PRKAA1: variants seen among roughly 807,000 people sequenced by gnomAD.
PRKAA1 encodes the protein protein kinase AMP-activated catalytic subunit alpha 1.
In PRKAA1, 23 loss-of-function variants were observed where a neutral mutation model predicts 56.9. The ratio of observed to expected loss-of-function variants is 0.40; its 90% confidence interval spans 0.29 to 0.57. PRKAA1 has a LOEUF of 0.57. Ranked by LOEUF, PRKAA1 falls within the 20% of genes least tolerant of loss-of-function variation. The pLI is 0.39. For missense variants in PRKAA1, 413 were observed against 679.7 expected, an observed-to-expected ratio of 0.61 and a Z score of 4.36; for synonymous variants, 226 against 227.0, an observed-to-expected ratio of 1.00 and a Z score of 0.04.
chr5:40,762,990 T>C lies in PRKAA1; in HGVS notation c.1468A>G (p.Thr490Ala), dbSNP rs749439577. The change falls in exon 9 of 9, where the codon ACT (threonine) becomes GCT (alanine). Residue 490 changes from threonine to alanine, a missense_variant. By Grantham distance (58) the Thr-to-Ala change is moderately conservative (BLOSUM62 0). This residue lies in a region of PRKAA1 where 139 missense variants were observed against 171.5 expected (regional missense o/e 0.81). Coordinates refer to ENST00000397128, the MANE Select transcript of PRKAA1 (RefSeq NM_006251.6). ...EITEAKSGTATPQRSGSVSNY... is the reference protein window; with the variant it reads ...EITEAKSGTAAPQRSGSVSNY... ...CTAACTGATCCCGATCTCTGTGGAG[T>C]AGCAGTCCCTGATTTGGCTTCTGTA... 42 of 1,613,948 alleles carry C rather than the reference T, an allele frequency of 2.6e-5. No individual in the cohort carries two copies. The Admixed American group carries it at 5.5e-4, about 21-fold the overall frequency.
At chr5:40,776,991 G>GA (rs1383284039) in intron 2 of PRKAA1, 3 of 154,304 alleles carry the variant, frequency 1.9e-5, no homozygotes, top group Non-Finnish European at 4.3e-5. Flanking sequence ...AATGGGGTTA[G>GA]AAAAATACAT....
intron 5 of PRKAA1, chr5:40,768,439 A>G (rs1025895794): frequency 2.2e-6 from 2 of 928,312 alleles, no homozygotes; most frequent in African/African-American, 1.8e-5. Context: ...CACAGTCTCC[A>G]TGTCCTGAAT....
Position 40,778,003 on chromosome 5 carries a change from G to A in PRKAA1, c.128-417C>T, listed in dbSNP as rs748129750. On this transcript the variant is annotated intron_variant, in intron 1 of 8. Transcript: ENST00000397128. Reference sequence around the variant, plus strand: ...GCAGGAGAATCGCTTGAACCCAGGAGGCGGAGGTTGCAGTGAGCCGAGATC... The same window carrying A: ...GCAGGAGAATCGCTTGAACCCAGGAAGCGGAGGTTGCAGTGAGCCGAGATC... 5.3e-5 allele frequency among the ~76,000 whole-genome samples: 8 copies of A among 151,776 alleles called. 1 individual carries two copies. The highest frequency in any genetic ancestry group is 1.2e-4 in the Non-Finnish European group (8 of 67,940).
chr5:40,792,483 CTGTCA>C (rs1311541613), intron 1 of PRKAA1, among the ~76,000 whole-genome samples: 1 of 152,130 alleles, frequency 6.6e-6, no homozygotes, highest in Admixed American at 6.5e-5. Context: ...TTAATAAATG[CTGTCA>C]CTCTCTCATG....
intron 1 of PRKAA1, among the ~76,000 whole-genome samples, chr5:40,785,025 G>T: frequency 6.6e-6 from 1 of 152,116 alleles, no homozygotes; most frequent in Non-Finnish European, 1.5e-5. Flanking sequence ...GAAAAGAATA[G>T]ACTGAATTCC....
At chr5:40,774,150 A>G (rs1743880156) in intron 3 of PRKAA1, among the ~76,000 whole-genome samples, 1 of 152,252 alleles carries the variant, frequency 6.6e-6, no homozygotes, top group African/African-American at 2.4e-5. Context: ...TCCTACCCAC[A>G]TGAGCCTGGC....
intron 4 of PRKAA1, among the ~76,000 whole-genome samples, chr5:40,770,462 A>G (rs1320875292): frequency 6.6e-6 from 1 of 152,152 alleles, no homozygotes; most frequent in African/African-American, 2.4e-5. Flanking sequence ...CTCTGTCTCA[A>G]AACAAAAAAC....
chr5:40,784,515 A>C (rs1332183159), intron 1 of PRKAA1, among the ~76,000 whole-genome samples: 1 of 152,204 alleles, frequency 6.6e-6, no homozygotes, highest in East Asian at 1.9e-4. Context: ...CAGTGATTTC[A>C]CCTACTACAG....
At chr5:40,785,906 G>A (rs978714282) in intron 1 of PRKAA1, among the ~76,000 whole-genome samples, 12 of 151,540 alleles carry the variant, frequency 7.9e-5, no homozygotes, top group Admixed American at 5.3e-4. Flanking sequence ...TTTGAAGACA[G>A]AGGCAGAGAC....
Position 40,762,908 on chromosome 5 carries a change from G to A in PRKAA1, c.1550C>T (p.Ser517Leu), listed in dbSNP as rs1743257941. Residue 517 changes from serine to leucine, a missense_variant, in exon 9 of 9, where the codon TCA becomes TTA. Transcript: ENST00000397128. ...CACAGATGAGGTAAGAGAAACTTCTGAGGATTTTCCTTGAGCCTCAGCATC... is the reference window on the plus strand; with the variant it reads ...CACAGATGAGGTAAGAGAAACTTCTAAGGATTTTCCTTGAGCCTCAGCATC... ...DSDAEAQGKS[S>L]EVSLTSSVTS... 1.9e-6 allele frequency: 3 copies of A among 1,614,078 alleles called. No individual in the cohort carries two copies. Among genetic ancestry groups the A allele is most frequent in the Admixed American group, 1.7e-5 (1 of 60,004 alleles).
chr5:40,785,555 C>T (rs1744432735), intron 1 of PRKAA1, among the ~76,000 whole-genome samples: 1 of 151,706 alleles, frequency 6.6e-6, no homozygotes, highest in Non-Finnish European at 1.5e-5. Flanking sequence ...AGACATTTTA[C>T]TAATACATTC....
chr5:40,768,472 A>C, intron 5 of PRKAA1: 2 of 928,618 alleles, frequency 2.2e-6, no homozygotes, highest in South Asian at 9.9e-5. Context: ...AAAAGAATTA[A>C]GATAGACAAC....
intron 3 of PRKAA1, among the ~76,000 whole-genome samples, 190 bp downstream of exon 3, chr5:40,775,220 A>G (rs1280750731): frequency 6.6e-6 from 1 of 152,246 alleles, no homozygotes; most frequent in Non-Finnish European, 1.5e-5. Context: ...CCACATCTGT[A>G]TAAACAGGCT....
intron 1 of PRKAA1, among the ~76,000 whole-genome samples, chr5:40,786,895 T>G (rs1490890264): frequency 4.7e-5 from 7 of 147,396 alleles, no homozygotes; most frequent in African/African-American, 1.8e-4. Flanking sequence ...CAGGCAGAGG[T>G]TGCAGTGAGC....
chr5:40,769,474 A>C lies in PRKAA1; in HGVS notation c.538T>G (p.Phe180Val). Residue 180 changes from phenylalanine to valine, a missense_variant, in exon 5 of 9, where the codon TTT (phenylalanine) becomes GTT (valine). Transcript: ENST00000397128. ...GLSNMMSDGE[F>V]LRTSCGSPNY... Reference sequence around the variant, plus strand: ...GGTGAGCCACAACTTGTTCTTAAAAATTCACCATCTGACATCATGTTTGAA... The same window carrying C: ...GGTGAGCCACAACTTGTTCTTAAAACTTCACCATCTGACATCATGTTTGAA... The C allele has an allele frequency of 6.2e-7, 1 of 1,611,088 alleles. No individual in the cohort carries two copies. Among genetic ancestry groups the C allele is most frequent in the Non-Finnish European group, 8.5e-7 (1 of 1,178,254 alleles).
At chr5:40,773,079 A>C (rs1743824182) in intron 3 of PRKAA1, among the ~76,000 whole-genome samples, 1 of 152,224 alleles carries the variant, frequency 6.6e-6, no homozygotes, top group South Asian at 2.1e-4. Context: ...AAGGACTCCA[A>C]TATGCAATTC....
chr5:40,766,730 G>A (rs1373613268), intron 6 of PRKAA1, among the ~76,000 whole-genome samples: 1 of 152,090 alleles, frequency 6.6e-6, no homozygotes, highest in African/African-American at 2.4e-5. Context: ...CAGGCATACT[G>A]GCTCACACCT....
At chr5:40,785,833 C>G (rs1187016101) in intron 1 of PRKAA1, among the ~76,000 whole-genome samples, 56 of 57,834 alleles carry the variant, frequency 9.7e-4, no homozygotes, top group African/African-American at 3.4e-3. Context: ...CACACACACA[C>G]ACACACAGAG....
intron 3 of PRKAA1, among the ~76,000 whole-genome samples, chr5:40,772,939 A>AT (rs570317099): frequency 6.6e-6 from 1 of 152,016 alleles, no homozygotes; most frequent in Admixed American, 6.6e-5. Flanking sequence ...AGCCTGAAGT[A>AT]TTTTTTTTAA....
Sources: gnomAD v4.1 joint callset for allele counts (sites outside exome capture counted in the v4.1 genomes callset) on GRCh38, gnomAD v4.1.1 for gene constraint, gnomAD v4.1.1 regional missense constraint, MANE v1.5 for transcripts, NCBI Gene and HGNC (gene_info 2026-07-23, HGNC 2026-07-21) for gene names.